The following ZNF385D variants were observed in gnomAD, a reference collection of about 807,000 sequenced individuals.
ZNF385D encodes the protein zinc finger protein 385D.
ZNF385D carries 15 observed loss-of-function variants against 35.8 expected under a neutral mutation model. That is an observed-to-expected ratio of 0.42 (90% confidence interval 0.28 to 0.64). ZNF385D has a LOEUF of 0.64. Ranked by LOEUF, ZNF385D falls within the 30% of genes least tolerant of loss-of-function variation. The pLI, the probability that ZNF385D is intolerant of heterozygous loss-of-function variation, is 0.23. For synonymous variants in ZNF385D, 212 were observed against 186.8 expected (o/e 1.13, Z -1.10); for missense variants, 474 against 494.6 (o/e 0.96, Z 0.39).
At chr3:21,820,557 T>C (rs999504293) in intron 3 of ZNF385D, among the ~76,000 whole-genome samples, 1 of 151,216 alleles carries the variant, frequency 6.6e-6, no homozygotes, top group Non-Finnish European at 1.5e-5. Flanking sequence ...AAATTAATAA[T>C]TTATGAATAG....
At chr3:21,697,985 T>G (rs1233901890) in intron 1 of ZNF385D, among the ~76,000 whole-genome samples, 3 of 152,076 alleles carry the variant, frequency 2.0e-5, no homozygotes, top group Admixed American at 2.0e-4. Context: ...ATGGAAAACA[T>G]ACACTGTTGG....
intron 3 of ZNF385D, among the ~76,000 whole-genome samples, chr3:21,797,293 A>T (rs992848482): frequency 2.0e-5 from 3 of 152,208 alleles, no homozygotes; most frequent in African/African-American, 7.2e-5. Flanking sequence ...GATGGATGTC[A>T]CTACACACAT....
intron 3 of ZNF385D, among the ~76,000 whole-genome samples, chr3:21,998,912 A>T (rs1375538293): frequency 6.6e-6 from 1 of 152,204 alleles, no homozygotes; most frequent in East Asian, 1.9e-4. Context: ...TAGGAAAATT[A>T]TATTAAAGCA....
Position 21,835,018 on chromosome 3 carries a change from T to C in ZNF385D, c.326-169990A>G, listed in dbSNP as rs574734365. On this transcript the variant is annotated intron_variant, in intron 3 of 5. Transcript: ENST00000494108. ...TTATAACAGTGTGGAAATTGACTAATACATACACTGACCTAGCAAGTGCTA... is the reference window on the plus strand; with the variant it reads ...TTATAACAGTGTGGAAATTGACTAACACATACACTGACCTAGCAAGTGCTA... Among the ~76,000 whole-genome samples the C allele has an allele frequency of 8.5e-5, 13 of 152,254 alleles. No homozygotes were observed. The East Asian group carries it at 2.3e-3, about 27-fold the overall frequency.
At chr3:21,487,269 G>T (rs114136625) in intron 4 of ZNF385D, among the ~76,000 whole-genome samples, 7 of 150,140 alleles carry the variant, frequency 4.7e-5, no homozygotes, top group African/African-American at 1.7e-4. Context: ...CCTTTCATTT[G>T]CTACTCTGAT....
chr3:21,716,430 A>G (rs546894742), intron 1 of ZNF385D, among the ~76,000 whole-genome samples: 5 of 152,096 alleles, frequency 3.3e-5, no homozygotes, highest in African/African-American at 9.7e-5. Flanking sequence ...CACATCTCCT[A>G]TAACTCTGTG....
intron 2 of ZNF385D, among the ~76,000 whole-genome samples, chr3:22,274,361 T>C (rs1306678596): frequency 6.6e-6 from 1 of 152,012 alleles, no homozygotes; most frequent in East Asian, 1.9e-4. Context: ...TGATATCTCA[T>C]AATAATCTAT....
At chr3:22,287,348 A>G (rs1306351188) in intron 2 of ZNF385D, among the ~76,000 whole-genome samples, 1 of 151,962 alleles carries the variant, frequency 6.6e-6, no homozygotes, top group Non-Finnish European at 1.5e-5. Context: ...CTTATTGCAA[A>G]TCTTAATCCA....
chr3:22,247,561 G>T (rs940417964), intron 2 of ZNF385D, among the ~76,000 whole-genome samples: 4 of 151,870 alleles, frequency 2.6e-5, no homozygotes, highest in African/African-American at 9.7e-5. Context: ...AAGAGTCTTT[G>T]ATTTGTTTTT....
chr3:21,522,989 G>A (rs1277271260), intron 3 of ZNF385D, among the ~76,000 whole-genome samples: 1 of 152,136 alleles, frequency 6.6e-6, no homozygotes, highest in East Asian at 1.9e-4. Flanking sequence ...TTCCTGGGGT[G>A]ATTCTTGGAG....
At chr3:22,356,734 G>C (rs1462178364) in intron 2 of ZNF385D, among the ~76,000 whole-genome samples, 3 of 151,952 alleles carry the variant, frequency 2.0e-5, no homozygotes, top group Admixed American at 6.6e-5. Flanking sequence ...ATTCAAATGG[G>C]ATATTTCTGA....
At chr3:21,507,356 T>C (rs1028823030) in intron 4 of ZNF385D, among the ~76,000 whole-genome samples, 1 of 152,144 alleles carries the variant, frequency 6.6e-6, no homozygotes, top group African/African-American at 2.4e-5. Context: ...TTTTAAAATA[T>C]ATATATAATT....
At chr3:22,252,628 T>C (rs913246621) in intron 2 of ZNF385D, among the ~76,000 whole-genome samples, 1 of 152,066 alleles carries the variant, frequency 6.6e-6, no homozygotes, top group Non-Finnish European at 1.5e-5. Context: ...TAATGCTTTC[T>C]AGGTACCTGA....
At chr3:22,319,710 A>G (rs934495599) in intron 2 of ZNF385D, among the ~76,000 whole-genome samples, 6 of 152,174 alleles carry the variant, frequency 3.9e-5, no homozygotes, top group Non-Finnish European at 7.4e-5. Context: ...GATATACTAC[A>G]AAAATATTGG....
intron 2 of ZNF385D, among the ~76,000 whole-genome samples, chr3:22,256,421 AT>A (rs1700321393): frequency 6.6e-6 from 1 of 151,706 alleles, no homozygotes; most frequent in African/African-American, 2.4e-5. Flanking sequence ...ATATTTAAAG[AT>A]TAATCTTCAT....
upstream of ZNF385D, chr3:21,751,267 C>G: frequency 8.9e-7 from 1 of 1,117,462 alleles, no homozygotes. Flanking sequence ...GGTTAGCAGC[C>G]GCTCCACGAG....
intron 2 of ZNF385D, among the ~76,000 whole-genome samples, chr3:22,250,614 C>T (rs1311124667): frequency 6.6e-6 from 1 of 152,006 alleles, no homozygotes; most frequent in Non-Finnish European, 1.5e-5. Flanking sequence ...GACCCTGATT[C>T]AAAAGTTAAG....
At chr3:21,950,036 T>A (rs997290811) in intron 3 of ZNF385D, among the ~76,000 whole-genome samples, 3 of 152,198 alleles carry the variant, frequency 2.0e-5, no homozygotes, top group South Asian at 2.1e-4. Context: ...CATGTCTTTA[T>A]AGTAGAATGA....
chr3:22,188,228 G>A (rs1429695229), intron 2 of ZNF385D, among the ~76,000 whole-genome samples: 1 of 152,152 alleles, frequency 6.6e-6, no homozygotes, highest in African/African-American at 2.4e-5. Flanking sequence ...TAAGTAAAAT[G>A]ATAGATTTGT....
Sources: gnomAD v4.1 joint callset for allele counts (sites outside exome capture counted in the v4.1 genomes callset) on GRCh38, gnomAD v4.1.1 for gene constraint, MANE v1.5 for transcripts, NCBI Gene and HGNC (gene_info 2026-07-23, HGNC 2026-07-21) for gene names.